The following TAF1 variants were observed in gnomAD, a reference collection of about 807,000 sequenced individuals.
TAF1 encodes the protein transcription initiation factor TFIID subunit 1.
In TAF1, 2 loss-of-function variants were observed where a neutral mutation model predicts 138.5. That is an observed-to-expected ratio of 0.01 (90% CI 0.01 to 0.05). The LOEUF is 0.05. Ranked by LOEUF, TAF1 falls within the 10% of genes least tolerant of loss-of-function variation. The pLI is 1.00. For synonymous variants in TAF1, 437 were observed against 503.2 expected (o/e 0.87, Z 1.76); for missense variants, 709 against 1,478.0 (o/e 0.48, Z 8.53).
chrX:71,382,497 C>A, intron 9 of TAF1, 39 bp from the exon 10 acceptor site: 3 of 1,191,306 alleles, frequency 2.5e-6, no homozygotes, highest in Non-Finnish European at 3.4e-6. Flanking sequence ...GGTGAATCTT[C>A]AGGGAGAGCA....
At chrX:71,462,119 A>G (rs2038573331) in intron 37 of TAF1, among the ~76,000 whole-genome samples, 2 of 111,453 alleles carry the variant, frequency 1.8e-5, no homozygotes, top group African/African-American at 6.5e-5. Flanking sequence ...AGAGGTAGGT[A>G]AATACCAAAT....
chrX:71,477,773 C>G lies in TAF1; in HGVS notation c.1366+16970C>G, dbSNP rs890251298. 2.7e-5 allele frequency among the ~76,000 whole-genome samples: 3 copies of G among 111,724 alleles called. No homozygotes were observed. The East Asian group carries it at 8.4e-4, about 31-fold the overall frequency. ...CTTTGGGAGGCCGAGGCAGGTGGAT[C>G]ACTCGAGGTCAGGAGTTCGAGACCA... On this transcript the variant is annotated intron_variant and NMD_transcript_variant, in intron 13 of 14. Coordinates refer to the TAF1 transcript ENST00000373775.
intron 17 of TAF1, among the ~76,000 whole-genome samples, 199 bp downstream of exon 17, chrX:71,389,067 G>A (rs1569291481): frequency 8.9e-6 from 1 of 111,884 alleles, no homozygotes; most frequent in Non-Finnish European, 1.9e-5. Flanking sequence ...AAACTATAGT[G>A]TAGCTAAGTA....
At position 71,421,391 on chromosome X, in the gene TAF1, A is replaced by G; in HGVS notation, c.4452+15A>G. 3.3e-6 allele frequency: 2 copies of G among 606,551 alleles called. No homozygotes were observed. Among genetic ancestry groups the G allele is most frequent in the South Asian group, 2.2e-5 (1 of 44,713 alleles). 50.0% of individuals were successfully genotyped at this position (606,551 alleles called of 1,213,427 possible). On this transcript the variant is annotated intron_variant, in intron 29 of 37. Coordinates refer to ENST00000423759, the MANE Select transcript of TAF1 (RefSeq NM_004606.5). ...AACTCAAAGAGGTAAGACAGTTAGA[A>G]TGAGAGAAAGGCAGTGGAATTTGAA...
chrX:71,472,369 G>A (rs775439839), intron 13 of TAF1, among the ~76,000 whole-genome samples: 2 of 112,284 alleles, frequency 1.8e-5, no homozygotes, highest in South Asian at 7.3e-4. Context: ...TTTTACTTCT[G>A]TCTCATTGCT....
Position 71,398,721 on chromosome X carries a change from A to C in TAF1, c.3770A>C (p.Glu1257Ala). 8.3e-7 allele frequency: 1 copy of C among 1,205,969 alleles called. No homozygotes were observed. The highest frequency in any genetic ancestry group is 1.1e-6 in the Non-Finnish European group (1 of 893,822). The part of the protein sequence containing the change: ...PPEKKPKKMK[E>A]RPDLKLKCGA... ...GAGAAGAAGCCCAAGAAAATGAAGG[A>C]GCGTCCTGACCTAAAAGTAAGTATA... The change falls in exon 24 of 38, where the codon GAG (glutamate) becomes GCG (alanine). Residue 1257 changes from glutamate (E) to alanine (A), a missense_variant. Transcript: ENST00000423759.
intron 22 of TAF1, among the ~76,000 whole-genome samples, chrX:71,394,930 A>C (rs1208555808): frequency 8.9e-6 from 1 of 112,246 alleles, no homozygotes; most frequent in Non-Finnish European, 1.9e-5. Context: ...TCCTGAGCTC[A>C]AAGTGATCCG....
At chrX:71,437,269 G>T (rs1423890611) in intron 32 of TAF1, among the ~76,000 whole-genome samples, 1 of 111,552 alleles carries the variant, frequency 9.0e-6, no homozygotes, top group Non-Finnish European at 1.9e-5. Context: ...AGATGATTCA[G>T]TATTGTTCAT....
chrX:71,523,041 G>T (rs773475550), intron 13 of TAF1, among the ~76,000 whole-genome samples: 74 of 108,828 alleles, frequency 6.8e-4, no homozygotes, highest in Non-Finnish European at 1.0e-3. Flanking sequence ...AATTAGCTGC[G>T]CATGGTGATG....
intron 32 of TAF1, among the ~76,000 whole-genome samples, chrX:71,452,122 C>T (rs1220567850): frequency 9.7e-6 from 1 of 103,352 alleles, no homozygotes; most frequent in Non-Finnish European, 2.0e-5. Flanking sequence ...CCCCCCCCCA[C>T]CTCCCTCCCA....
chrX:71,390,766 C>T (rs764014877), intron 18 of TAF1, among the ~76,000 whole-genome samples: 15 of 111,521 alleles, frequency 1.3e-4, no homozygotes, highest in Middle Eastern at 4.6e-3. Flanking sequence ...GAGGCCGAGG[C>T]GGGCAGATCA....
chrX:71,372,991 G>A (rs144262820), intron 3 of TAF1, among the ~76,000 whole-genome samples: 1,760 of 106,426 alleles, frequency 0.017, 19 homozygotes, highest in Non-Finnish European at 0.028. Context: ...CTCAGTCTCC[G>A]GAGTAGCTGG....
chrX:71,474,907 C>CA (rs1171872260), intron 13 of TAF1, among the ~76,000 whole-genome samples: 2 of 110,637 alleles, frequency 1.8e-5, no homozygotes, highest in Non-Finnish European at 3.8e-5. Flanking sequence ...GGCTCTGAGG[C>CA]AAAAAAGAGG....
In TAF1 at chrX:71,420,992, CTT is replaced by C. The variant is rs200955709; in HGVS notation, c.4385-315_4385-314del. ...AGCCGCCCGCTGCCGCCTGCTCACT[CTT>C]TAGGCATTCTTAAAGAAATTATTGC... On this transcript the variant is annotated intron_variant, in intron 28 of 37. Coordinates refer to ENST00000423759, the MANE Select transcript of TAF1 (RefSeq NM_004606.5). Among the ~76,000 whole-genome samples the C allele has an allele frequency of 6.0e-3, 675 of 113,135 alleles. 5 individuals are homozygous for C. Among genetic ancestry groups the C allele is most frequent in the African/African-American group, 0.021 (652 of 31,227 alleles).
intron 13 of TAF1, among the ~76,000 whole-genome samples, chrX:71,517,030 C>A (rs1228073039): frequency 5.4e-5 from 6 of 110,732 alleles, no homozygotes; most frequent in Non-Finnish European, 1.1e-4. Context: ...TTTTTAACCA[C>A]AATTTTAAAA....
intron 17 of TAF1, among the ~76,000 whole-genome samples, chrX:71,389,105 T>C (rs2034414378): frequency 8.9e-6 from 1 of 111,942 alleles, no homozygotes; most frequent in African/African-American, 3.2e-5. Context: ...TGAGGAACTT[T>C]GGGCATATTG....
At chrX:71,406,345 A>G (rs916381168) in intron 25 of TAF1, among the ~76,000 whole-genome samples, 16 of 102,466 alleles carry the variant, frequency 1.6e-4, no homozygotes, top group East Asian at 5.7e-4. Context: ...AAAAAAAAAA[A>G]AGAGAATGTT....
At chrX:71,429,274 CAA>C (rs11450427) in intron 32 of TAF1, among the ~76,000 whole-genome samples, 1 of 99,168 alleles carries the variant, frequency 1.0e-5, no homozygotes, top group Non-Finnish European at 2.1e-5. Context: ...GACTCTGTCT[CAA>C]AAAAAAAAGC....
intron 3 of TAF1, among the ~76,000 whole-genome samples, chrX:71,373,952 C>T (rs766575381): frequency 1.8e-5 from 2 of 111,259 alleles, no homozygotes; most frequent in South Asian, 7.5e-4. Context: ...TCCCAAAGTG[C>T]TGGGATTACA....
Sources: gnomAD v4.1 joint callset for allele counts (sites outside exome capture counted in the v4.1 genomes callset) on GRCh38, gnomAD v4.1.1 for gene constraint, MANE v1.5 for transcripts, NCBI Gene and HGNC (gene_info 2026-07-23, HGNC 2026-07-21) for gene names.